RXFP2: variants seen among roughly 807,000 people sequenced by gnomAD.
The protein encoded by RXFP2 is relaxin family peptide receptor 2.
RXFP2 carries 68 observed loss-of-function variants against 88.6 expected under a neutral mutation model. The ratio of observed to expected loss-of-function variants is 0.77; its 90% CI spans 0.63 to 0.94. The LOEUF (loss-of-function observed/expected upper bound fraction) is 0.94, where lower values mean the gene tolerates loss of function less well. RXFP2 is among the 40% of genes least tolerant of loss of function. RXFP2 has a pLI of 0.00. For synonymous variants in RXFP2, 329 were observed against 306.8 expected, an observed-to-expected ratio of 1.07 and a Z score of -0.76; for missense variants, 791 against 893.9, an observed-to-expected ratio of 0.88 and a Z score of 1.47.
At chr13:31,793,393 A>C (rs1873885921) in intron 16 of RXFP2, among the ~76,000 whole-genome samples, 1 of 151,530 alleles carries the variant, frequency 6.6e-6, no homozygotes, top group Non-Finnish European at 1.5e-5. Flanking sequence ...ATTCCAGTTT[A>C]GTGCCTCATC....
intron 16 of RXFP2, among the ~76,000 whole-genome samples, chr13:31,796,008 C>T (rs986554239): frequency 9.7e-6 from 1 of 103,422 alleles, no homozygotes. Context: ...GAAAAATAAA[C>T]AAAAATACAT....
At position 31,785,301 on chromosome 13, in the gene RXFP2, T is replaced by C. The variant is rs555018621; in HGVS notation, c.930-1082T>C. Among the ~76,000 whole-genome samples the C allele has an allele frequency of 1.1e-3, 160 of 152,204 alleles. 1 individual carries two copies. The highest frequency in any genetic ancestry group is 1.8e-3 in the Non-Finnish European group (125 of 68,000). Reference sequence around the variant, plus strand: ...TCCACGCACTCTCCATGACGTCCTCTACCTCTCCCTACATCTTGCATCCTC... The same window carrying C: ...TCCACGCACTCTCCATGACGTCCTCCACCTCTCCCTACATCTTGCATCCTC... On this transcript the variant is annotated intron_variant, in intron 11 of 17. Coordinates refer to ENST00000298386, the MANE Select transcript of RXFP2 (RefSeq NM_130806.5).
chr13:31,754,530 C>G (rs1450180411), intron 1 of RXFP2, among the ~76,000 whole-genome samples: 1 of 149,890 alleles, frequency 6.7e-6, no homozygotes, highest in African/African-American at 2.5e-5. Context: ...GATTCCATCT[C>G]AAGAAGAAAA....
chr13:31,802,326 T>G lies in RXFP2; in HGVS notation c.2186T>G (p.Ile729Arg), dbSNP rs1359185547. ...KKSLSTSIVW[I>R]EDSSSLKLGV... ...AGTTTATCTACATCCATTGTGTGGATAGAGGACTCCTCTTCCCTGAAACTT... is the reference window on the plus strand; with the variant it reads ...AGTTTATCTACATCCATTGTGTGGAGAGAGGACTCCTCTTCCCTGAAACTT... Residue 729 changes from isoleucine (I) to arginine (R), a missense_variant, in exon 18 of 18, where the codon ATA becomes AGA. Ile to Arg is a moderately conservative substitution (Grantham distance 97). Coordinates refer to ENST00000298386, the MANE Select transcript of RXFP2 (RefSeq NM_130806.5). 3 of 1,612,886 alleles carry G rather than the reference T, an allele frequency of 1.9e-6. No homozygotes were observed. Among genetic ancestry groups the G allele is most frequent in the South Asian group, 2.2e-5 (2 of 91,052 alleles).
rs943698405 is a variant in RXFP2, at chr13:31,792,661, T to G, written c.1376-17T>G. The stretch of plus-strand genomic sequence containing the variant: ...CATTGGAAACTGATGACATACACTG[T>G]TTCAATTCTTCCACAGGTGCTGATT... On this transcript the variant is annotated splice_polypyrimidine_tract_variant and intron_variant, in intron 15 of 17. Transcript: ENST00000298386. 6 of 1,613,454 alleles carry G rather than the reference T, an allele frequency of 3.7e-6. No homozygotes were observed. Among genetic ancestry groups the G allele is most frequent in the Non-Finnish European group, 5.1e-6 (6 of 1,179,508 alleles).
intron 1 of RXFP2, among the ~76,000 whole-genome samples, chr13:31,742,443 A>G (rs914665586): frequency 2.0e-5 from 3 of 152,196 alleles, no homozygotes; most frequent in Admixed American, 1.3e-4. Flanking sequence ...GTGAAAATCA[A>G]TTATGTTTCA....
At chr13:31,757,760 C>G (rs1474061073) in intron 1 of RXFP2, among the ~76,000 whole-genome samples, 1 of 152,042 alleles carries the variant, frequency 6.6e-6, no homozygotes, top group East Asian at 1.9e-4. Context: ...GGATTCTGTT[C>G]TTGATATAGC....
At chr13:31,742,340 C>T (rs558387295) in intron 1 of RXFP2, among the ~76,000 whole-genome samples, 1 of 152,174 alleles carries the variant, frequency 6.6e-6, no homozygotes, top group African/African-American at 2.4e-5. Context: ...TCCTTTCTTA[C>T]GGATGTCAGT....
Position 31,777,534 on chromosome 13 carries a change from T to C in RXFP2, c.713+87T>C. On this transcript the variant is annotated intron_variant, in intron 8 of 17. Transcript: ENST00000298386. ...CTTACAAAAAGAACTTTTAAAAAAA[T>C]CAAGCCCACAAAAATTTTTATTAGT... is the stretch of plus-strand genomic sequence containing the variant. 4 of 1,017,926 alleles carry C rather than the reference T, an allele frequency of 3.9e-6. No homozygotes were observed. The South Asian group carries it at 4.2e-5, about 11-fold the overall frequency. 63.1% of individuals were successfully genotyped at this position (1,017,926 alleles called of 1,614,324 possible).
intron 13 of RXFP2, 54 bp downstream of exon 13, chr13:31,786,691 G>A: frequency 8.9e-7 from 1 of 1,128,306 alleles, no homozygotes; most frequent in Non-Finnish European, 1.3e-6. Flanking sequence ...TGTACTTAGA[G>A]ACACATTTAT....
In RXFP2 at chr13:31,802,578, A is replaced by C; in HGVS notation, c.*173A>C. 1 of 755,808 alleles carries C rather than the reference A, an allele frequency of 1.3e-6. No homozygotes were observed. Among genetic ancestry groups the C allele is most frequent in the Non-Finnish European group, 2.3e-6 (1 of 439,206 alleles). 46.8% of individuals were successfully genotyped at this position (755,808 alleles called of 1,614,324 possible). A position where few individuals can be genotyped will look rare whatever the true frequency, so the allele number is the denominator to read the frequency against. On this transcript the variant is annotated 3_prime_UTR_variant, in exon 18 of 18. Transcript: ENST00000298386. ...CCAATGGCAGCTGTACTATCTACCA[A>C]CCATGCTGAGGACAGCACCAAAGGT...
intron 3 of RXFP2, among the ~76,000 whole-genome samples, 170 bp downstream of exon 3, chr13:31,761,971 A>G (rs1872322003): frequency 6.6e-6 from 1 of 152,258 alleles, no homozygotes; most frequent in Non-Finnish European, 1.5e-5. Context: ...AGATAGAAAA[A>G]GAAAACGACC....
chr13:31,793,650 T>C (rs1873897291), intron 16 of RXFP2, among the ~76,000 whole-genome samples: 1 of 152,222 alleles, frequency 6.6e-6, no homozygotes, highest in Admixed American at 6.5e-5. Flanking sequence ...CTGTGTTCTT[T>C]AGAAATGAAT....
In RXFP2 at chr13:31,776,005, C is replaced by T. The variant is rs183430918; in HGVS notation, c.641+616C>T. Among the ~76,000 whole-genome samples the T allele has an allele frequency of 1.2e-4, 19 of 152,316 alleles. No individual in the cohort carries two copies. The East Asian group carries it at 3.1e-3, about 25-fold the overall frequency. On this transcript the variant is annotated intron_variant, in intron 7 of 17. Transcript: ENST00000298386. ...ATCCAAGCCCTTCTGTGTGCCTGGC[C>T]CTTAGCCCCATGCTTAGCCTTCCAG... is the stretch of plus-strand genomic sequence containing the variant.
intron 5 of RXFP2, among the ~76,000 whole-genome samples, chr13:31,766,431 C>T (rs1224388481): frequency 1.3e-5 from 2 of 151,972 alleles, no homozygotes; most frequent in African/African-American, 2.4e-5. Flanking sequence ...CAGATATCCC[C>T]CAGGGTGTTA....
chr13:31,751,893 C>G (rs547114549), intron 1 of RXFP2, among the ~76,000 whole-genome samples: 3 of 152,210 alleles, frequency 2.0e-5, no homozygotes, highest in East Asian at 1.9e-4. Context: ...TCATGCAGAA[C>G]GAGATGAATT....
chr13:31,787,508 G>A (rs766237016), intron 13 of RXFP2, among the ~76,000 whole-genome samples: 10 of 152,152 alleles, frequency 6.6e-5, no homozygotes, highest in South Asian at 4.1e-4. Flanking sequence ...TTTGCTTACC[G>A]CATACTGCAT....
intron 11 of RXFP2, among the ~76,000 whole-genome samples, chr13:31,784,203 T>C (rs1176393879): frequency 6.6e-6 from 1 of 151,918 alleles, no homozygotes; most frequent in Non-Finnish European, 1.5e-5. Context: ...CTAACCCTCT[T>C]CGCATCCTAC....
intron 11 of RXFP2, among the ~76,000 whole-genome samples, chr13:31,783,983 A>ATTTTTTTTT (rs10686799): frequency 0.061 from 7,400 of 121,112 alleles, 357 homozygotes; most frequent in East Asian, 0.083. Context: ...TGCCTGGCTA[A>ATTTTTTTTT]TTTTTTTTTT....
Sources: gnomAD v4.1 joint callset for allele counts (sites outside exome capture counted in the v4.1 genomes callset) on GRCh38, gnomAD v4.1.1 for gene constraint, MANE v1.5 for transcripts, NCBI Gene and HGNC (gene_info 2026-07-23, HGNC 2026-07-21) for gene names.